The following UPP2 variants were observed in gnomAD, a reference collection of about 807,000 sequenced individuals.
UPP2 encodes the protein UPase 2.
In UPP2, 23 loss-of-function variants were observed where a neutral mutation model predicts 26.7. That is an observed-to-expected ratio of 0.86 (90% CI 0.62 to 1.22). The LOEUF is 1.22. Ranked by LOEUF, UPP2 falls within the 50% of genes most tolerant of loss-of-function variation. The pLI is 0.00. For synonymous variants in UPP2, 127 were observed against 141.3 expected, an observed-to-expected ratio of 0.90 and a Z score of 0.72; for missense variants, 387 against 396.7, an observed-to-expected ratio of 0.98 and a Z score of 0.21.
intron 3 of UPP2, among the ~76,000 whole-genome samples, chr2:158,049,713 C>T (rs2105170245): frequency 6.6e-6 from 1 of 152,186 alleles, no homozygotes; most frequent in South Asian, 2.1e-4. Context: ...GGATCTGAGA[C>T]CATTTTAAAA....
chr2:157,999,389 G>A (rs1025013334), intron 2 of UPP2, among the ~76,000 whole-genome samples: 1 of 152,160 alleles, frequency 6.6e-6, no homozygotes, highest in Non-Finnish European at 1.5e-5. Context: ...TGTTGACCAG[G>A]CTGGTCCTGA....
At chr2:158,131,015 T>C (rs1451942168) in intron 6 of UPP2, among the ~76,000 whole-genome samples, 1 of 152,150 alleles carries the variant, frequency 6.6e-6, no homozygotes, top group Non-Finnish European at 1.5e-5. Context: ...AAGCAGCCAA[T>C]AGCCTGAGAT....
rs190809556 is a variant in UPP2 at position 157,999,516 on chromosome 2, T to C, written c.61+4257T>C. Among the ~76,000 whole-genome samples, 22 of 152,350 alleles carry C rather than the reference T, an allele frequency of 1.4e-4. No individual in the cohort carries two copies. The East Asian group carries it at 3.1e-3, about 21-fold the overall frequency. ...TTTATGTCATCATCTATGTCTTTTCTTAACACACTTATGGTTTCCTCTACT... is the reference window on the plus strand; with the variant it reads ...TTTATGTCATCATCTATGTCTTTTCCTAACACACTTATGGTTTCCTCTACT... On this transcript the variant is annotated intron_variant, in intron 2 of 9. Transcript: ENST00000605860.
intron 3 of UPP2, among the ~76,000 whole-genome samples, chr2:158,084,174 A>AT (rs1304259780): frequency 1.3e-5 from 2 of 151,836 alleles, no homozygotes; most frequent in East Asian, 3.9e-4. Flanking sequence ...AACATTTATT[A>AT]TTTTTTTATT....
chr2:158,024,942 C>T (rs1402108880), intron 3 of UPP2, among the ~76,000 whole-genome samples: 1 of 152,086 alleles, frequency 6.6e-6, no homozygotes, highest in Non-Finnish European at 1.5e-5. Context: ...TGGCTCACAC[C>T]TGTAATCCCA....
chr2:158,034,727 A>C (rs184750365), intron 3 of UPP2, among the ~76,000 whole-genome samples: 1 of 152,324 alleles, frequency 6.6e-6, no homozygotes, highest in Admixed American at 6.5e-5. Context: ...TCAGCAGTTC[A>C]TTATGTCTAT....
At chr2:158,110,418 G>A (rs1297808939) in intron 2 of UPP2, among the ~76,000 whole-genome samples, 32 of 152,126 alleles carry the variant, frequency 2.1e-4, no homozygotes, top group Non-Finnish European at 2.4e-4. Flanking sequence ...GTTGGTTCCA[G>A]GTCTTTGCTA....
chr2:158,015,953 A>G, intron 3 of UPP2: 1 of 369,464 alleles, frequency 2.7e-6, no homozygotes, highest in South Asian at 2.0e-5. Flanking sequence ...TAGTGGTATG[A>G]AAAAGGACTA....
At chr2:158,110,169 G>A (rs951263857) in intron 2 of UPP2, among the ~76,000 whole-genome samples, 1 of 151,932 alleles carries the variant, frequency 6.6e-6, no homozygotes, top group African/African-American at 2.4e-5. Flanking sequence ...CCCACCCCAT[G>A]ACAGGCCCGA....
chr2:158,071,393 A>G (rs1386540777), intron 3 of UPP2, among the ~76,000 whole-genome samples: 4 of 151,978 alleles, frequency 2.6e-5, no homozygotes, highest in African/African-American at 4.8e-5. Context: ...TCTACTAAAA[A>G]TACAAATATT....
intron 3 of UPP2, among the ~76,000 whole-genome samples, chr2:158,046,063 C>T (rs1558913491): frequency 1.3e-5 from 2 of 152,166 alleles, no homozygotes. Context: ...AAATAAGATT[C>T]TAAAAAATTG....
intron 3 of UPP2, among the ~76,000 whole-genome samples, chr2:158,051,157 ATGTGTGTGTGTGTGTGTGTGTGTGTG>A (rs57745839): frequency 6.9e-6 from 1 of 145,078 alleles, no homozygotes; most frequent in African/African-American, 2.6e-5. Context: ...CTCTAGGAAT[ATGTGTGTGTGTGTGTGTGTGTGTGTG>A]TGTGTGTGTG....
upstream of UPP2, among the ~76,000 whole-genome samples, chr2:158,099,369 A>G (rs1055915491): frequency 6.6e-6 from 1 of 152,148 alleles, no homozygotes; most frequent in Non-Finnish European, 1.5e-5. Context: ...AGAGCCAGGG[A>G]ATCTGATGTG....
intron 3 of UPP2, among the ~76,000 whole-genome samples, chr2:158,082,473 A>G (rs539956356): frequency 6.6e-6 from 1 of 152,244 alleles, no homozygotes; most frequent in South Asian, 2.1e-4. Context: ...TCCATTCCTG[A>G]GTGCCTTCAC....
chr2:158,073,436 A>G (rs1262902580), intron 3 of UPP2, among the ~76,000 whole-genome samples: 1 of 152,178 alleles, frequency 6.6e-6, no homozygotes, highest in Non-Finnish European at 1.5e-5. Flanking sequence ...AAGGGATAAT[A>G]TCAAAGAACT....
chr2:158,109,738 G>A (rs893404896), intron 2 of UPP2, among the ~76,000 whole-genome samples: 2 of 152,164 alleles, frequency 1.3e-5, no homozygotes, highest in Non-Finnish European at 1.5e-5. Flanking sequence ...AAACTGTTTA[G>A]GTGAACAGCT....
chr2:158,076,170 T>C (rs1484963324), intron 3 of UPP2, among the ~76,000 whole-genome samples: 1 of 151,884 alleles, frequency 6.6e-6, no homozygotes, highest in East Asian at 1.9e-4. Flanking sequence ...AAGATCGAAG[T>C]TGTAATACAA....
At chr2:158,072,830 C>CAAAT (rs778863556) in intron 3 of UPP2, among the ~76,000 whole-genome samples, 25 of 152,166 alleles carry the variant, frequency 1.6e-4, no homozygotes, top group Non-Finnish European at 3.7e-4. Flanking sequence ...CAAGTCCCTT[C>CAAAT]AAATACCTGG....
chr2:158,051,717 G>T (rs1269406367), intron 3 of UPP2, among the ~76,000 whole-genome samples: 2 of 152,064 alleles, frequency 1.3e-5, no homozygotes, highest in African/African-American at 2.4e-5. Flanking sequence ...GGAGGCGGAG[G>T]TTGCAGTGAG....
Sources: gnomAD v4.1 joint callset for allele counts (sites outside exome capture counted in the v4.1 genomes callset) on GRCh38, gnomAD v4.1.1 for gene constraint, MANE v1.5 for transcripts, NCBI Gene and HGNC (gene_info 2026-07-23, HGNC 2026-07-21) for gene names.